KLHL40: variants seen among roughly 807,000 people sequenced by gnomAD.
KLHL40 encodes kelch-like protein 40.
In KLHL40, 44 loss-of-function variants were observed where a neutral mutation model predicts 49.7. The ratio of observed to expected loss-of-function variants is 0.89; its 90% CI spans 0.70 to 1.14. The LOEUF (loss-of-function observed/expected upper bound fraction) is 1.14. KLHL40 is among the 50% of genes most tolerant of loss of function. The pLI is 0.00. For synonymous variants in KLHL40, 409 were observed against 365.2 expected, an observed-to-expected ratio of 1.12 and a Z score of -1.37; for missense variants, 892 against 850.3, an observed-to-expected ratio of 1.05 and a Z score of -0.61.
Position 42,686,552 on chromosome 3 carries a change from T to C in KLHL40, c.934T>C (p.Phe312Leu). The C allele has an allele frequency of 6.2e-7, 1 of 1,614,186 alleles. No homozygotes were observed. The highest frequency in any genetic ancestry group is 8.5e-7 in the Non-Finnish European group (1 of 1,180,028). Residue 312 changes from phenylalanine (F) to leucine (L), a missense_variant, in exon 1 of 6, where the codon TTC (phenylalanine) becomes CTC (leucine). Transcript: ENST00000287777. ...LPGILNDTLR[F>L]GMFLQDLIFM... ...TGGGATCCTCAATGACACCCTGCGC[T>C]TCGGCATGTTCCTGCAGGATCTCAT...
chr3:42,691,404 A>C (rs1395505757), intron 5 of KLHL40, among the ~76,000 whole-genome samples: 1 of 152,032 alleles, frequency 6.6e-6, no homozygotes, highest in African/African-American at 2.4e-5. Flanking sequence ...TTTCAGAACC[A>C]TTGCTCTCTA....
rs763047874 is a variant in KLHL40 at position 42,685,742 on chromosome 3, C to A, written c.124C>A (p.Arg42Ser). 30 of 1,612,728 alleles carry A rather than the reference C, an allele frequency of 1.9e-5. No individual in the cohort carries two copies. Among genetic ancestry groups the A allele is most frequent in the Admixed American group, 3.3e-5 (2 of 59,982 alleles). ...CGACTGTGTGGTGCGGGCGGGCGAG[C>A]GCGAGTTCCCGTGCCATCGCCTGGT... ...FLDCVVRAGE[R>S]EFPCHRLVLA... is the part of the protein sequence containing the mutation. Residue 42 changes from arginine (R) to serine (S), a missense_variant, in exon 1 of 6, where the codon CGC becomes AGC. Arg to Ser is a moderately radical substitution (Grantham distance 110, BLOSUM62 -1). Coordinates refer to ENST00000287777, the MANE Select transcript of KLHL40 (RefSeq NM_152393.4).
In KLHL40 at chr3:42,685,721, T is replaced by C; in HGVS notation, c.103T>C (p.Cys35Arg). The C allele has an allele frequency of 1.2e-6, 2 of 1,613,138 alleles. No individual in the cohort carries two copies. The highest frequency in any genetic ancestry group is 1.7e-6 in the Non-Finnish European group (2 of 1,179,808). Reference protein sequence around the residue: ...DMLDHGKFLDCVVRAGEREFP... With the variant: ...DMLDHGKFLDRVVRAGEREFP... ...GCTGGACCATGGCAAGTTCCTCGAC[T>C]GTGTGGTGCGGGCGGGCGAGCGCGA... The change falls in exon 1 of 6, where the codon TGT becomes CGT. Residue 35 changes from cysteine to arginine, a missense_variant. By Grantham distance (180) the Cys-to-Arg change is radical (BLOSUM62 -3). Transcript: ENST00000287777.
At chr3:42,689,489 A>C (rs1262266754) in intron 4 of KLHL40, among the ~76,000 whole-genome samples, 1 of 151,608 alleles carries the variant, frequency 6.6e-6, no homozygotes, top group East Asian at 2.0e-4. Context: ...TGGAGAAAAA[A>C]CTCAAGGCCT....
Position 42,688,483 on chromosome 3 carries a change from A to T in KLHL40, c.1314-127A>T. ...GGATCAAAGAACTGAGAGGCCTCGG[A>T]AGTTCCAGCAATGGATCTGACGCAT... On this transcript the variant is annotated intron_variant, in intron 2 of 5. Coordinates refer to ENST00000287777, the MANE Select transcript of KLHL40 (RefSeq NM_152393.4). The surrounding 1 kb of genome is among the most constrained non-coding windows in gnomAD (Gnocchi z 4.2). 1 of 966,058 alleles carries T rather than the reference A, an allele frequency of 1.0e-6. No individual in the cohort carries two copies. Among genetic ancestry groups the T allele is most frequent in the Non-Finnish European group, 1.6e-6 (1 of 628,242 alleles). The allele number at this position is 966,058 out of a possible 1,614,324, so 59.8% of individuals were successfully genotyped here.
rs767265252 is a variant in KLHL40, at chr3:42,688,139, C to A, written c.1153-3C>A. On this transcript the variant is annotated splice_polypyrimidine_tract_variant and splice_region_variant and intron_variant, in intron 1 of 5. Transcript: ENST00000287777. The surrounding 1 kb of genome is among the most constrained non-coding windows in gnomAD (Gnocchi z 4.2). ...GGTAGCTGACTGGACACCTGGCCTG[C>A]AGTTTGACCATCTGGACTCAGAGTG... The A allele has an allele frequency of 3.7e-6, 6 of 1,613,850 alleles. No individual in the cohort carries two copies. The Admixed American group carries it at 1.0e-4, about 27-fold the overall frequency.
In KLHL40 at chr3:42,686,488, C is replaced by T. The variant is rs1697276004; in HGVS notation, c.870C>T (p.Ala290=). ...AKEADKGTSK[A]KAEEDEEAER... is the part of the protein sequence containing the mutation. ...AGGCTGATAAGGGCACAAGCAAAGC[C>T]AAAGCAGAGGAGGATGAGGAGGCCG... Residue 290 remains alanine (A), a synonymous_variant, in exon 1 of 6, where the codon GCC becomes GCT. Coordinates refer to ENST00000287777, the MANE Select transcript of KLHL40 (RefSeq NM_152393.4). The T allele has an allele frequency of 6.2e-7, 1 of 1,614,090 alleles. No individual in the cohort carries two copies. The highest frequency in any genetic ancestry group is 8.5e-7 in the Non-Finnish European group (1 of 1,180,022).
At chr3:42,689,702 G>C (rs1460384228) in intron 4 of KLHL40, among the ~76,000 whole-genome samples, 1 of 152,098 alleles carries the variant, frequency 6.6e-6, no homozygotes, top group Non-Finnish European at 1.5e-5. Context: ...TAAAGGCCTG[G>C]AGCTGGGGGC....
rs764960944 is a variant in KLHL40, at chr3:42,688,346, G to C, written c.1313+44G>C. On this transcript the variant is annotated intron_variant, in intron 2 of 5. Coordinates refer to ENST00000287777, the MANE Select transcript of KLHL40 (RefSeq NM_152393.4). This position sits in a 1 kb window ranked among gnomAD's most constrained non-coding sequence, Gnocchi z 4.2. The stretch of plus-strand genomic sequence containing the variant: ...GGGCTGAGCTCCGTGGGGGTGAGTG[G>C]GGCATGGAGGCCGCAGCTGGTCTAG... 4.1e-5 allele frequency: 66 copies of C among 1,602,094 alleles called. No individual in the cohort carries two copies. Among genetic ancestry groups the C allele is most frequent in the Non-Finnish European group, 5.4e-5 (63 of 1,170,070 alleles).
chr3:42,689,131 C>G, intron 4 of KLHL40, 77 bp downstream of exon 4: 4 of 1,313,822 alleles, frequency 3.0e-6, no homozygotes, highest in Non-Finnish European at 3.2e-6. Context: ...GAGCTGCAGT[C>G]CCTGTCTTGG....
chr3:42,688,295 G>A lies in KLHL40; in HGVS notation c.1306G>A (p.Asp436Asn), dbSNP rs372145157. The part of the protein sequence containing the change: ...ERCLDSVMCY[D>N]RLSFKWGESD... ...CTGCCTGGACTCGGTCATGTGCTAC[G>A]ACAGGCTGTGAGCATGGCTGGGGTG... is the stretch of plus-strand genomic sequence containing the variant. Residue 436 changes from aspartate to asparagine, a missense_variant, in exon 2 of 6, where the codon GAC becomes AAC. Asp to Asn is a conservative substitution (Grantham distance 23). Coordinates refer to ENST00000287777, the MANE Select transcript of KLHL40 (RefSeq NM_152393.4). This position sits in a 1 kb window ranked among gnomAD's most constrained non-coding sequence, Gnocchi z 4.2. The A allele has an allele frequency of 8.4e-5, 136 of 1,613,786 alleles. No individual in the cohort carries two copies. The highest frequency in any genetic ancestry group is 6.6e-4 in the Middle Eastern group (4 of 6,082).
chr3:42,690,911 A>G lies in KLHL40; in HGVS notation c.1660A>G (p.Ser554Gly), dbSNP rs1205383342. 1 of 1,613,632 alleles carries G rather than the reference A, an allele frequency of 6.2e-7. No individual in the cohort carries two copies. Among genetic ancestry groups the G allele is most frequent in the Non-Finnish European group, 8.5e-7 (1 of 1,179,774 alleles). Residue 554 changes from serine to glycine, a missense_variant, in exon 5 of 6, where the codon AGC (serine) becomes GGC (glycine). Physicochemically the swap from Ser to Gly is moderately conservative, Grantham distance 56 (BLOSUM62 0). Transcript: ENST00000287777. ...GGAGCGTAGCTCACTCAGCCTGGTC[A>G]GCCTGGTGGGTACCCTCTATGCCAT... is the stretch of plus-strand genomic sequence containing the variant. ...PQERSSLSLV[S>G]LVGTLYAIGG...
At position 42,685,919 on chromosome 3, in the gene KLHL40, G is replaced by A. The variant is rs1697263467; in HGVS notation, c.301G>A (p.Val101Met). ...AGAGATCGCGCTGGATGAGGCGAGC[G>A]TGCAGGATTTGTTCGCCGCGGCACA... The part of the protein sequence containing the change: ...TSEIALDEAS[V>M]QDLFAAAHRF... Residue 101 changes from valine to methionine, a missense_variant, in exon 1 of 6, where the codon GTG becomes ATG. By Grantham distance (21) the Val-to-Met change is conservative. Coordinates refer to ENST00000287777, the MANE Select transcript of KLHL40 (RefSeq NM_152393.4). The A allele has an allele frequency of 6.2e-7, 1 of 1,611,712 alleles. No individual in the cohort carries two copies. Among genetic ancestry groups the A allele is most frequent in the Non-Finnish European group, 8.5e-7 (1 of 1,179,996 alleles).
rs531285058 is a variant in KLHL40 at position 42,685,691 on chromosome 3, G to A, written c.73G>A (p.Asp25Asn). 6.2e-7 allele frequency: 1 copy of A among 1,613,186 alleles called. No homozygotes were observed. Among genetic ancestry groups the A allele is most frequent in the Non-Finnish European group, 8.5e-7 (1 of 1,179,798 alleles). ...QQTLLQDGLKDMLDHGKFLDC... is the reference protein window; with the variant it reads ...QQTLLQDGLKNMLDHGKFLDC... Reference sequence around the variant, plus strand: ...GACGCTCCTGCAAGACGGGCTCAAAGACATGCTGGACCATGGCAAGTTCCT... The same window carrying A: ...GACGCTCCTGCAAGACGGGCTCAAAAACATGCTGGACCATGGCAAGTTCCT... Residue 25 changes from aspartate (D) to asparagine (N), a missense_variant, in exon 1 of 6, where the codon GAC becomes AAC. Coordinates refer to ENST00000287777, the MANE Select transcript of KLHL40 (RefSeq NM_152393.4).
rs9872183 is a variant in KLHL40, at chr3:42,688,240, C to T, written c.1251C>T (p.Val417=). The change falls in exon 2 of 6, where the codon GTC becomes GTT. Residue 417 remains valine, a synonymous_variant. Transcript: ENST00000287777. This position sits in a 1 kb window ranked among gnomAD's most constrained non-coding sequence, Gnocchi z 4.2. ...LGEALNSIYV[V]GGREIKDGER... ...AAGCTCTCAACTCCATCTACGTGGT[C>T]GGTGGCAGAGAGATCAAGGACGGCG... 26 of 1,613,832 alleles carry T rather than the reference C, an allele frequency of 1.6e-5. No individual in the cohort carries two copies. Among genetic ancestry groups the T allele is most frequent in the Non-Finnish European group, 2.0e-5 (24 of 1,180,014 alleles).
chr3:42,692,278 C>T lies in KLHL40; in HGVS notation c.*285C>T, dbSNP rs1308552954. 4.2e-6 allele frequency: 2 copies of T among 478,608 alleles called. No homozygotes were observed. Among genetic ancestry groups the T allele is most frequent in the South Asian group, 2.9e-5 (1 of 34,810 alleles). 29.6% of individuals were successfully genotyped at this position (478,608 alleles called of 1,614,324 possible). On this transcript the variant is annotated 3_prime_UTR_variant, in exon 6 of 6. Transcript: ENST00000287777. Reference sequence around the variant, plus strand: ...GCGGTATCCCAGGCCGTGTGCTGGCCCTGCCCCAGCCTAGCTGAGTGTGCT... The same window carrying T: ...GCGGTATCCCAGGCCGTGTGCTGGCTCTGCCCCAGCCTAGCTGAGTGTGCT...
At position 42,688,765 on chromosome 3, in the gene KLHL40, C is replaced by A. The variant is rs781368958; in HGVS notation, c.1421+48C>A. The A allele has an allele frequency of 2.5e-6, 4 of 1,587,212 alleles. No homozygotes were observed. Among genetic ancestry groups the A allele is most frequent in the Non-Finnish European group, 3.5e-6 (4 of 1,155,736 alleles). On this transcript the variant is annotated intron_variant, in intron 3 of 5. Coordinates refer to ENST00000287777, the MANE Select transcript of KLHL40 (RefSeq NM_152393.4). The surrounding 1 kb of genome is among the most constrained non-coding windows in gnomAD (Gnocchi z 4.2). ...TCTGTGGAGCAGAGGTAGAATCTCC[C>A]AGAGGCTGTCAGGGGTTTGTCCTGG...
intron 4 of KLHL40, among the ~76,000 whole-genome samples, 159 bp from the exon 5 acceptor site, chr3:42,690,700 A>G (rs1697349299): frequency 6.6e-6 from 1 of 151,896 alleles, no homozygotes; most frequent in Admixed American, 6.5e-5. Flanking sequence ...GAAGGAAGGG[A>G]AGACCAGAGG....
Position 42,685,962 on chromosome 3 carries a change from C to T in KLHL40, c.344C>T (p.Ser115Phe), listed in dbSNP as rs371748730. Residue 115 changes from serine (S) to phenylalanine (F), a missense_variant, in exon 1 of 6, where the codon TCC (serine) becomes TTC (phenylalanine). Transcript: ENST00000287777. Reference protein sequence around the residue: ...FAAAHRFQIPSIFTICVSFLQ... With the variant: ...FAAAHRFQIPFIFTICVSFLQ... ...GCGGCACACCGCTTCCAGATCCCTT[C>T]CATCTTCACCATCTGCGTGTCCTTC... 6 of 1,611,856 alleles carry T rather than the reference C, an allele frequency of 3.7e-6. No homozygotes were observed. Among genetic ancestry groups the T allele is most frequent in the South Asian group, 3.3e-5 (3 of 91,090 alleles).
Sources: allele counts gnomAD v4.1 joint callset (sites outside exome capture counted in the v4.1 genomes callset), GRCh38; gene constraint gnomAD v4.1.1; non-coding constraint Gnocchi (gnomAD v3.1); transcripts MANE v1.5; gene names NCBI Gene and HGNC (gene_info 2026-07-23, HGNC 2026-07-21).